Variants in FHIT observed in about 807,000 individuals in gnomAD.
FHIT encodes the protein fragile histidine triad diadenosine triphosphatase.
FHIT carries 19 observed loss-of-function variants against 17.9 expected under a neutral mutation model. That is an observed-to-expected ratio of 1.06 (90% CI 0.74 to 1.56). The LOEUF (loss-of-function observed/expected upper bound fraction) is 1.56, where lower values mean the gene tolerates loss of function less well. FHIT is among the 40% of genes most tolerant of loss of function. FHIT has a pLI of 0.00. For missense variants in FHIT, 248 were observed against 189.2 expected, an observed-to-expected ratio of 1.31 and a Z score of -1.82; for synonymous variants, 81 against 69.7, an observed-to-expected ratio of 1.16 and a Z score of -0.81.
intron 3 of FHIT, among the ~76,000 whole-genome samples, chr3:61,035,730 AAAATATTATCC>A (rs1206892802): frequency 6.6e-6 from 1 of 152,086 alleles, no homozygotes; most frequent in Admixed American, 6.5e-5. Flanking sequence ...ATCTCCTTTT[AAAATATTATCC>A]AAGAAGAAGT....
At chr3:61,191,082 A>T (rs1046883140) in intron 2 of FHIT, among the ~76,000 whole-genome samples, 6 of 137,132 alleles carry the variant, frequency 4.4e-5, no homozygotes, top group Admixed American at 7.4e-5. Context: ...AAAGTATAAT[A>T]AAAAAAAAAT....
chr3:60,740,906 A>T (rs1553713714), intron 4 of FHIT, among the ~76,000 whole-genome samples: 1 of 152,144 alleles, frequency 6.6e-6, no homozygotes, highest in African/African-American at 2.4e-5. Flanking sequence ...GTAACATTCT[A>T]AGTGGGTTTT....
intron 5 of FHIT, among the ~76,000 whole-genome samples, chr3:60,526,590 A>T (rs537030123): frequency 6.6e-6 from 1 of 152,222 alleles, no homozygotes; most frequent in African/African-American, 2.4e-5. Flanking sequence ...CTCTTCAGTG[A>T]CTTCTTGCTC....
rs548836953 is a variant in FHIT, at chr3:60,211,196, T to C, written c.104-197044A>G. Among the ~76,000 whole-genome samples, 11 of 151,618 alleles carry C rather than the reference T, an allele frequency of 7.3e-5. No individual in the cohort carries two copies. The East Asian group carries it at 7.7e-4, about 11-fold the overall frequency. On this transcript the variant is annotated intron_variant, in intron 5 of 9. Transcript: ENST00000492590. ...CGAAAGAAAGTTGAAGAAAAATGTA[T>C]AGAGTATATATAACTTTTCAAAGAA... is the stretch of plus-strand genomic sequence containing the variant.
At chr3:60,852,401 C>A (rs571612791) in intron 3 of FHIT, among the ~76,000 whole-genome samples, 1 of 152,124 alleles carries the variant, frequency 6.6e-6, no homozygotes, top group Non-Finnish European at 1.5e-5. Context: ...TGGATACACA[C>A]ATCCTACTGA....
At chr3:60,383,320 T>A (rs1700881861) in intron 5 of FHIT, among the ~76,000 whole-genome samples, 1 of 152,176 alleles carries the variant, frequency 6.6e-6, no homozygotes, top group Non-Finnish European at 1.5e-5. Flanking sequence ...CAATATTTTT[T>A]AAAATCACTG....
intron 5 of FHIT, among the ~76,000 whole-genome samples, chr3:60,373,494 A>G (rs1464152292): frequency 6.6e-6 from 1 of 152,184 alleles, no homozygotes; most frequent in Non-Finnish European, 1.5e-5. Flanking sequence ...AGGAGCTCAG[A>G]GGCCATCTTA....
chr3:60,317,535 T>G (rs2106787990), intron 5 of FHIT, among the ~76,000 whole-genome samples: 1 of 149,512 alleles, frequency 6.7e-6, no homozygotes, highest in South Asian at 2.1e-4. Context: ...AAAGTGATGC[T>G]AATATATTGG....
At chr3:59,965,553 G>C (rs1367227197) in intron 7 of FHIT, among the ~76,000 whole-genome samples, 1 of 152,052 alleles carries the variant, frequency 6.6e-6, no homozygotes, top group Non-Finnish European at 1.5e-5. Flanking sequence ...AAAGAGTTTT[G>C]TCTTAACAAA....
At chr3:59,885,224 T>C (rs9968157) in intron 8 of FHIT, among the ~76,000 whole-genome samples, 5,996 of 152,234 alleles carry the variant, frequency 0.039, 378 homozygotes, top group African/African-American at 0.13. Flanking sequence ...AGGATGAGCA[T>C]TGGGCTCAGC....
At chr3:60,828,696 G>T (rs997318041) in intron 3 of FHIT, among the ~76,000 whole-genome samples, 1 of 151,902 alleles carries the variant, frequency 6.6e-6, no homozygotes, top group African/African-American at 2.4e-5. Flanking sequence ...TGACCAACAT[G>T]GCAAAAACCC....
At chr3:60,516,777 C>T (rs1346088102) in intron 5 of FHIT, among the ~76,000 whole-genome samples, 4 of 152,202 alleles carry the variant, frequency 2.6e-5, no homozygotes, top group Admixed American at 6.5e-5. Context: ...GCCAGAGTAA[C>T]GTCTCTGTAC....
At chr3:60,704,835 G>A (rs1292251531) in intron 4 of FHIT, among the ~76,000 whole-genome samples, 1 of 151,576 alleles carries the variant, frequency 6.6e-6, no homozygotes, top group African/African-American at 2.4e-5. Context: ...TTGATTCTCT[G>A]GAAAACTAAC....
intron 8 of FHIT, among the ~76,000 whole-genome samples, chr3:59,872,496 T>C (rs969593694): frequency 6.6e-6 from 1 of 152,178 alleles, no homozygotes; most frequent in Non-Finnish European, 1.5e-5. Context: ...ACTGCATAAT[T>C]GAATCTTTGA....
chr3:60,802,658 C>A lies in FHIT; in HGVS notation c.-18+19261G>T, dbSNP rs113404371. Among the ~76,000 whole-genome samples the A allele has an allele frequency of 3.1e-4, 47 of 152,110 alleles. 1 individual carries two copies. The highest frequency in any genetic ancestry group is 3.4e-3 in the Middle Eastern group (1 of 292). On this transcript the variant is annotated intron_variant, in intron 4 of 9. Coordinates refer to ENST00000492590, the MANE Select transcript of FHIT (RefSeq NM_002012.4). ...CAAAGAAAAAAGAAACAAATTCCTG[C>A]CCTGTCAGGAAAGCTTTTAGGCCGA...
chr3:60,559,519 A>G (rs1272332890), intron 4 of FHIT, among the ~76,000 whole-genome samples: 1 of 152,088 alleles, frequency 6.6e-6, no homozygotes, highest in Non-Finnish European at 1.5e-5. Context: ...GGTTTTTATT[A>G]TTTCTTTATT....
intron 4 of FHIT, among the ~76,000 whole-genome samples, chr3:60,548,178 G>A (rs550920615): frequency 1.3e-5 from 2 of 151,570 alleles, no homozygotes; most frequent in Non-Finnish European, 2.9e-5. Flanking sequence ...ACTCTTCATA[G>A]AGAATATTAT....
chr3:60,627,083 T>C (rs1378134127), intron 4 of FHIT, among the ~76,000 whole-genome samples: 1 of 152,154 alleles, frequency 6.6e-6, no homozygotes, highest in Non-Finnish European at 1.5e-5. Context: ...TGGATCCAGT[T>C]TGCTTGTCTT....
At chr3:60,070,731 T>C (rs1167680510) in intron 5 of FHIT, among the ~76,000 whole-genome samples, 4 of 152,214 alleles carry the variant, frequency 2.6e-5, no homozygotes, top group Admixed American at 1.3e-4. Context: ...TATAAGGATA[T>C]AGTCCATGAG....
Sources: gnomAD v4.1 joint callset for allele counts (sites outside exome capture counted in the v4.1 genomes callset) on GRCh38, gnomAD v4.1.1 for gene constraint, MANE v1.5 for transcripts, NCBI Gene and HGNC (gene_info 2026-07-23, HGNC 2026-07-21) for gene names.